GFI1: variants seen among roughly 807,000 people sequenced by gnomAD.
GFI1 encodes zinc finger protein Gfi-1.
GFI1 carries 15 observed loss-of-function variants against 39.2 expected under a neutral mutation model. That is an observed-to-expected ratio of 0.38 (90% CI 0.26 to 0.59). The LOEUF is 0.59. Among genes scored for constraint, GFI1 ranks in the 20% least tolerant of loss-of-function variants. The probability of loss-of-function intolerance (pLI) is 0.62; values close to 1 mark genes in which losing one functional copy is unlikely to be tolerated. For missense variants in GFI1, 475 were observed against 574.0 expected (o/e 0.83, Z 1.76); for synonymous variants, 239 against 254.3 (o/e 0.94, Z 0.57).
intron 5 of GFI1, among the ~76,000 whole-genome samples, chr1:92,479,673 G>C (rs1435887634): frequency 6.6e-6 from 1 of 152,106 alleles, no homozygotes; most frequent in Non-Finnish European, 1.5e-5. Flanking sequence ...CTAACGTGGC[G>C]AAATCCCGTC....
chr1:92,484,410 A>T lies in GFI1; in HGVS notation c.-99-824T>A, dbSNP rs1372494804. ...CCATGGAGACCTAACCTCGGGAATC[A>T]GGTCCCGGGAAAAAAGCACTTTCCG... is the stretch of plus-strand genomic sequence containing the variant. On this transcript the variant is annotated intron_variant, in intron 1 of 6. Coordinates refer to ENST00000294702, the MANE Select transcript of GFI1 (RefSeq NM_005263.5). The surrounding 1 kb of genome is among the most constrained non-coding windows in gnomAD (Gnocchi z 4.1). 1 of 152,208 alleles carries T rather than the reference A, an allele frequency of 6.6e-6. No individual in the cohort carries two copies. 9.4% of individuals were successfully genotyped at this position (152,208 alleles called of 1,614,324 possible).
rs1333966088 is a variant in GFI1 at position 92,484,125 on chromosome 1, C to A, written c.-99-539G>T. Among the ~76,000 whole-genome samples the A allele has an allele frequency of 6.6e-6, 1 of 151,712 alleles. No individual in the cohort carries two copies. Among genetic ancestry groups the A allele is most frequent in the South Asian group, 2.1e-4 (1 of 4,802 alleles). ...TGAAAGGACCGGGGGGAGGGGGGAA[C>A]AGAACACAAGATAAAACTGTGGGGC... On this transcript the variant is annotated intron_variant, in intron 1 of 6. Transcript: ENST00000294702. This position sits in a 1 kb window ranked among gnomAD's most constrained non-coding sequence, Gnocchi z 4.1.
In GFI1 at chr1:92,475,720, G is replaced by T. The variant is rs1334333581; in HGVS notation, c.*309C>A. The T allele has an allele frequency of 2.4e-6, 1 of 424,520 alleles. No homozygotes were observed. The highest frequency in any genetic ancestry group is 4.4e-6 in the Non-Finnish European group (1 of 226,034). 26.3% of individuals were successfully genotyped at this position (424,520 alleles called of 1,614,324 possible). ...GGCTGGAAATGGGAAGGACTGTGGG[G>T]TCTAAGATTTATTCTGGTCCCCATT... On this transcript the variant is annotated 3_prime_UTR_variant, in exon 7 of 7. Transcript: ENST00000294702.
Position 92,480,310 on chromosome 1 carries a change from C to T in GFI1, c.924+38G>A, listed in dbSNP as rs759767323. ...GCACCGAGGAGATGCAGAAGATCCC[C>T]GAGCAGGGCCGCGCGCGGCGGTGCG... On this transcript the variant is annotated intron_variant, in intron 5 of 6. Transcript: ENST00000294702. This position sits in a 1 kb window ranked among gnomAD's most constrained non-coding sequence, Gnocchi z 5.6. 140 of 1,539,978 alleles carry T rather than the reference C, an allele frequency of 9.1e-5. No homozygotes were observed. The highest frequency in any genetic ancestry group is 1.1e-4 in the Non-Finnish European group (130 of 1,144,888).
intron 5 of GFI1, among the ~76,000 whole-genome samples, chr1:92,479,632 A>T (rs1476630737): frequency 6.6e-6 from 1 of 152,202 alleles, no homozygotes; most frequent in Non-Finnish European, 1.5e-5. Flanking sequence ...CTGGTGGATC[A>T]CTTGAGGCCA....
chr1:92,484,931 C>T lies in GFI1; in HGVS notation c.-99-1345G>A, dbSNP rs1658455270. Among the ~76,000 whole-genome samples, 1 of 152,236 alleles carries T rather than the reference C, an allele frequency of 6.6e-6. No individual in the cohort carries two copies. Reference sequence around the variant, plus strand: ...GCAGTCCTCCGGCTTCGCGCTGTTTCCACTGCCGGACTAGGAGCCCCTCGG... The same window carrying T: ...GCAGTCCTCCGGCTTCGCGCTGTTTTCACTGCCGGACTAGGAGCCCCTCGG... On this transcript the variant is annotated intron_variant, in intron 1 of 6. Transcript: ENST00000294702. The surrounding 1 kb of genome is among the most constrained non-coding windows in gnomAD (Gnocchi z 4.1).
rs1481660917 is a variant in GFI1 at position 92,473,457 on chromosome 1, T to C, written c.*2572A>G. ...CTGGGAGGATTGTCTCCCAGGACAC[T>C]AGGAAGTGGTTCCTGGACGCTGCAA... is the stretch of plus-strand genomic sequence containing the variant. On this transcript the variant is annotated 3_prime_UTR_variant, in exon 7 of 7. Coordinates refer to ENST00000294702, the MANE Select transcript of GFI1 (RefSeq NM_005263.5). Among the ~76,000 whole-genome samples the C allele has an allele frequency of 6.6e-6, 1 of 152,208 alleles. No individual in the cohort carries two copies. The highest frequency in any genetic ancestry group is 1.9e-4 in the East Asian group (1 of 5,200).
At position 92,480,536 on chromosome 1, in the gene GFI1, CA is replaced by C; in HGVS notation, c.787-52del. Reference sequence around the variant, plus strand: ...GGCCGCTGAGAGGGGCCGCGGGGCGCAGGCGAGGCGCGGGTAGGGGAAGCGG... The same window carrying C: ...GGCCGCTGAGAGGGGCCGCGGGGCGCGGCGAGGCGCGGGTAGGGGAAGCGG... On this transcript the variant is annotated intron_variant, in intron 4 of 6. Coordinates refer to ENST00000294702, the MANE Select transcript of GFI1 (RefSeq NM_005263.5). This position sits in a 1 kb window ranked among gnomAD's most constrained non-coding sequence, Gnocchi z 5.6. The C allele has an allele frequency of 6.5e-7, 1 of 1,546,316 alleles. No individual in the cohort carries two copies. Among genetic ancestry groups the C allele is most frequent in the Non-Finnish European group, 8.7e-7 (1 of 1,145,792 alleles).
Position 92,482,879 on chromosome 1 carries a change from G to A in GFI1, c.283C>T (p.Pro95Ser). 1 of 1,614,014 alleles carries A rather than the reference G, an allele frequency of 6.2e-7. No homozygotes were observed. Reference protein sequence around the residue: ...EFEDFWRPPSPSASPASEKSM... With the variant: ...EFEDFWRPPSSSASPASEKSM... Reference sequence around the variant, plus strand: ...GGGTTCCTACCTGGAGACGCGGAGGGTGACGGGGGCCTCCAGAAGTCCTCA... The same window carrying A: ...GGGTTCCTACCTGGAGACGCGGAGGATGACGGGGGCCTCCAGAAGTCCTCA... Residue 95 changes from proline (P) to serine (S), a missense_variant, in exon 3 of 7, where the codon CCC becomes TCC. Transcript: ENST00000294702. The surrounding 1 kb of genome is among the most constrained non-coding windows in gnomAD (Gnocchi z 4.4).
At chr1:92,486,305 C>T (rs892785798) in intron 1 of GFI1, among the ~76,000 whole-genome samples, 53 of 151,750 alleles carry the variant, frequency 3.5e-4, no homozygotes, top group African/African-American at 1.2e-3. Context: ...GTAGTCCTCC[C>T]AGTTCTCTCC....
Position 92,474,161 on chromosome 1 carries a change from G to T in GFI1, c.*1868C>A, listed in dbSNP as rs1657850256. Among the ~76,000 whole-genome samples, 2 of 152,230 alleles carry T rather than the reference G, an allele frequency of 1.3e-5. No homozygotes were observed. Among genetic ancestry groups the T allele is most frequent in the African/African-American group, 4.8e-5 (2 of 41,454 alleles). On this transcript the variant is annotated 3_prime_UTR_variant, in exon 7 of 7. Coordinates refer to ENST00000294702, the MANE Select transcript of GFI1 (RefSeq NM_005263.5). ...GTGGGACAGAACCAGAAATAACCCA[G>T]ATCCTCATGGGCCTTTAGATTTGTG...
rs1337988180 is a variant in GFI1 at position 92,480,673 on chromosome 1, C to A, written c.714G>T (p.Lys238Asn). The A allele has an allele frequency of 1.1e-5, 18 of 1,596,306 alleles. No individual in the cohort carries two copies. The highest frequency in any genetic ancestry group is 1.5e-5 in the Non-Finnish European group (18 of 1,177,982). Reference sequence around the variant, plus strand: ...GGGTGCACAGCAGCTCCGACTCCACCTTGACGCCAGCGCCCTTGTCTGCGT... The same window carrying A: ...GGGTGCACAGCAGCTCCGACTCCACATTGACGCCAGCGCCCTTGTCTGCGT... ...GLHADKGAGV[K>N]VESELLCTRL... Residue 238 changes from lysine (K) to asparagine (N), a missense_variant, in exon 4 of 7, where the codon AAG (lysine) becomes AAT (asparagine). Transcript: ENST00000294702. The surrounding 1 kb of genome is among the most constrained non-coding windows in gnomAD (Gnocchi z 5.6).
Position 92,475,691 on chromosome 1 carries a change from T to C in GFI1, c.*338A>G. The C allele has an allele frequency of 2.8e-6, 1 of 358,698 alleles. No homozygotes were observed. Among genetic ancestry groups the C allele is most frequent in the Admixed American group, 4.1e-5 (1 of 24,582 alleles). 22.2% of individuals were successfully genotyped at this position (358,698 alleles called of 1,614,324 possible). ...CCTGAAGGGCATTCCTGTCTGTAGA[T>C]TAGGGCTGGAAATGGGAAGGACTGT... On this transcript the variant is annotated 3_prime_UTR_variant, in exon 7 of 7. Coordinates refer to ENST00000294702, the MANE Select transcript of GFI1 (RefSeq NM_005263.5).
intron 1 of GFI1, chr1:92,486,214 G>C (rs1409906871): frequency 3.3e-5 from 5 of 152,454 alleles, no homozygotes; most frequent in Non-Finnish European, 7.3e-5. Flanking sequence ...AACCCCCGTC[G>C]GGCGGCCGGG....
Position 92,481,153 on chromosome 1 carries a change from C to T in GFI1, c.299-65G>A. ...CGGCAGAGCGGAGGCCGCCGGGCTG[C>T]GGCTGCGAGCGTGGCGTGTTCGCGG... On this transcript the variant is annotated intron_variant, in intron 3 of 6. Coordinates refer to ENST00000294702, the MANE Select transcript of GFI1 (RefSeq NM_005263.5). The surrounding 1 kb of genome is among the most constrained non-coding windows in gnomAD (Gnocchi z 4.3). 3 of 1,392,824 alleles carry T rather than the reference C, an allele frequency of 2.2e-6. No individual in the cohort carries two copies. The highest frequency in any genetic ancestry group is 3.0e-6 in the Non-Finnish European group (3 of 998,586). The allele number at this position is 1,392,824 out of a possible 1,614,324, so 86.3% of individuals were successfully genotyped here.
chr1:92,485,661 C>T (rs552353136), intron 1 of GFI1, among the ~76,000 whole-genome samples: 1 of 152,198 alleles, frequency 6.6e-6, no homozygotes, highest in South Asian at 2.1e-4. Context: ...GCGCTCAGGC[C>T]TCTCCTCACC....
rs918873861 is a variant in GFI1 at position 92,475,524 on chromosome 1, AC to A, written c.*504del. On this transcript the variant is annotated 3_prime_UTR_variant, in exon 7 of 7. Coordinates refer to ENST00000294702, the MANE Select transcript of GFI1 (RefSeq NM_005263.5). ...GCACCCAAAAGAAAGGAGTCAACAGACCCCCCAGAAGGAAAAAAATAAAAGT... is the reference window on the plus strand; with the variant it reads ...GCACCCAAAAGAAAGGAGTCAACAGACCCCCAGAAGGAAAAAAATAAAAGT... 1 of 172,142 alleles carries A rather than the reference AC, an allele frequency of 5.8e-6. No homozygotes were observed. Among genetic ancestry groups the A allele is most frequent in the Admixed American group, 5.5e-5 (1 of 18,212 alleles). 10.7% of individuals were successfully genotyped at this position (172,142 alleles called of 1,614,324 possible). A position where few individuals can be genotyped will look rare whatever the true frequency, so the allele number is the denominator to read the frequency against.
rs1459668851 is a variant in GFI1, at chr1:92,473,093, T to G, written c.*2936A>C. On this transcript the variant is annotated 3_prime_UTR_variant, in exon 7 of 7. Coordinates refer to ENST00000294702, the MANE Select transcript of GFI1 (RefSeq NM_005263.5). The stretch of plus-strand genomic sequence containing the variant: ...TCAAGTAATAACATTAAGAGAGATA[T>G]TTGCAATCTTCAAATTTCACACGGT... 6.6e-6 allele frequency among the ~76,000 whole-genome samples: 1 copy of G among 151,962 alleles called. No individual in the cohort carries two copies. Among genetic ancestry groups the G allele is most frequent in the African/African-American group, 2.4e-5 (1 of 41,316 alleles).
chr1:92,477,615 G>A (rs1421666404), intron 6 of GFI1, among the ~76,000 whole-genome samples: 1 of 152,194 alleles, frequency 6.6e-6, no homozygotes, highest in East Asian at 1.9e-4. Context: ...TTAAAAGCCA[G>A]AGCATTACAT....
Sources: gnomAD v4.1 joint callset for allele counts (sites outside exome capture counted in the v4.1 genomes callset) on GRCh38, gnomAD v4.1.1 for gene constraint, Gnocchi (gnomAD v3.1) non-coding constraint, MANE v1.5 for transcripts, NCBI Gene and HGNC (gene_info 2026-07-23, HGNC 2026-07-21) for gene names.